ANO5: variants seen among roughly 807,000 people sequenced by gnomAD.
ANO5 encodes anoctamin 5, also known as anoctamin-5.
A neutral mutation model predicts 121.0 loss-of-function variants in ANO5; 109 were observed. The ratio of observed to expected loss-of-function variants is 0.90; its 90% CI spans 0.77 to 1.06. ANO5 has a LOEUF of 1.06. Among genes scored for constraint, ANO5 ranks in the 50% least tolerant of loss-of-function variants. The pLI, the probability that ANO5 is intolerant of heterozygous loss-of-function variation, is 0.00. For missense variants in ANO5, 1,064 were observed against 1,078.5 expected (o/e 0.99, Z 0.19); for synonymous variants, 406 against 359.9 (o/e 1.13, Z -1.45).
intron 2 of ANO5, among the ~76,000 whole-genome samples, chr11:22,206,717 T>C (rs1022899200): frequency 5.9e-5 from 9 of 152,260 alleles, no homozygotes; most frequent in African/African-American, 1.9e-4. Flanking sequence ...TTAACTTCCA[T>C]TTATTAAAAA....
chr11:22,217,285 TC>T (rs1340314975), intron 3 of ANO5, among the ~76,000 whole-genome samples: 4 of 152,024 alleles, frequency 2.6e-5, no homozygotes, highest in Non-Finnish European at 2.9e-5. Flanking sequence ...GGTTTGGTTT[TC>T]TTTCAAATAT....
intron 1 of ANO5, among the ~76,000 whole-genome samples, chr11:22,200,107 G>A (rs11026460): frequency 0.12 from 17,587 of 152,044 alleles, 1,047 homozygotes; most frequent in Admixed American, 0.18. Context: ...ATACCAAAAC[G>A]TAATGCTAAC....
intron 5 of ANO5, among the ~76,000 whole-genome samples, chr11:22,224,372 A>G (rs1199976844): frequency 6.6e-6 from 1 of 152,136 alleles, no homozygotes; most frequent in Non-Finnish European, 1.5e-5. Context: ...CTGGCATAAC[A>G]ACAGACACAC....
intron 17 of ANO5, 54 bp from the exon 18 acceptor site, chr11:22,270,258 G>A: frequency 6.2e-7 from 1 of 1,601,692 alleles, no homozygotes; most frequent in South Asian, 1.1e-5. Context: ...CTGATTCTCT[G>A]ATCGCTTTCT....
rs552220866 is a variant in ANO5 at position 22,281,833 on chromosome 11, A to C, written c.*2068A>C. The C allele has an allele frequency of 2.6e-4, 39 of 152,270 alleles. No homozygotes were observed. The highest frequency in any genetic ancestry group is 8.7e-4 in the African/African-American group (36 of 41,582). 9.4% of individuals were successfully genotyped at this position (152,270 alleles called of 1,614,324 possible). On this transcript the variant is annotated 3_prime_UTR_variant, in exon 22 of 22. Transcript: ENST00000324559. ...TGGGTTTCTGGAAGTGAATGGAGAA[A>C]ACAGCAAGGGAAGAAATCGTTTTTA... is the stretch of plus-strand genomic sequence containing the variant.
chr11:22,193,435 T>G lies in ANO5; in HGVS notation c.-58T>G. ...CCTGCCTCAGATCTCCACGTCTGTC[T>G]CAGCTGCCCCTCTCCTGCTGCCTCT... On this transcript the variant is annotated 5_prime_UTR_variant, in exon 1 of 22. Coordinates refer to ENST00000324559, the MANE Select transcript of ANO5 (RefSeq NM_213599.3). 2 of 1,579,718 alleles carry G rather than the reference T, an allele frequency of 1.3e-6. No individual in the cohort carries two copies. Among genetic ancestry groups the G allele is most frequent in the Non-Finnish European group, 1.7e-6 (2 of 1,163,618 alleles).
chr11:22,259,647 A>G lies in ANO5; in HGVS notation c.1536A>G (p.Ile512Met), dbSNP rs1377985193. 6.2e-7 allele frequency: 1 copy of G among 1,613,988 alleles called. No homozygotes were observed. Among genetic ancestry groups the G allele is most frequent in the Non-Finnish European group, 8.5e-7 (1 of 1,180,002 alleles). ...KQVKSFLTPQ[I>M]TTSLTGSCLN... ...TCAAAAGCTTCCTTACTCCTCAGAT[A>G]ACCACATCACTCACAGGATCATGCT... Residue 512 changes from isoleucine to methionine, a missense_variant, in exon 15 of 22, where the codon ATA becomes ATG. Physicochemically the swap from Ile to Met is conservative, Grantham distance 10. Transcript: ENST00000324559.
intron 3 of ANO5, among the ~76,000 whole-genome samples, chr11:22,212,238 T>C (rs1231839168): frequency 6.6e-6 from 1 of 151,590 alleles, no homozygotes; most frequent in Non-Finnish European, 1.5e-5. Flanking sequence ...GATTAGACTT[T>C]ATTAGCTTGA....
intron 2 of ANO5, among the ~76,000 whole-genome samples, chr11:22,208,241 G>A (rs1177787245): frequency 6.6e-6 from 1 of 152,042 alleles, no homozygotes; most frequent in Non-Finnish European, 1.5e-5. Context: ...GATATTCACA[G>A]CAGCTTTATT....
intron 9 of ANO5, among the ~76,000 whole-genome samples, chr11:22,242,129 A>G (rs1853452643): frequency 6.6e-6 from 1 of 150,906 alleles, no homozygotes; most frequent in African/African-American, 2.5e-5. Flanking sequence ...TCCCAGCACC[A>G]TTTATTGAAT....
intron 3 of ANO5, among the ~76,000 whole-genome samples, chr11:22,213,501 C>T (rs1157819491): frequency 2.0e-5 from 3 of 151,612 alleles, no homozygotes; most frequent in South Asian, 2.1e-4. Flanking sequence ...ATAGAAGTGT[C>T]GTTATCTTCA....
chr11:22,247,102 A>G (rs1245213754), intron 9 of ANO5, among the ~76,000 whole-genome samples: 1 of 152,160 alleles, frequency 6.6e-6, no homozygotes, highest in Non-Finnish European at 1.5e-5. Flanking sequence ...AAAAGCACCT[A>G]TCTTCATGAC....
intron 9 of ANO5, among the ~76,000 whole-genome samples, chr11:22,243,392 T>C (rs1392753315): frequency 6.6e-6 from 1 of 152,112 alleles, no homozygotes; most frequent in African/African-American, 2.4e-5. Context: ...TTGTTGTGTC[T>C]CTATCAGATT....
intron 20 of ANO5, among the ~76,000 whole-genome samples, chr11:22,275,309 GACACACACAC>G (rs56171321): frequency 6.7e-6 from 1 of 148,506 alleles, no homozygotes; most frequent in Non-Finnish European, 1.5e-5. Context: ...ACAATTTAAA[GACACACACAC>G]ACACACACAC....
intron 4 of ANO5, among the ~76,000 whole-genome samples, chr11:22,219,448 C>G (rs1852567251): frequency 6.6e-6 from 1 of 151,886 alleles, no homozygotes. Context: ...GTAAACAATA[C>G]AAGTACCTGT....
chr11:22,267,564 A>C (rs897336730), intron 17 of ANO5, among the ~76,000 whole-genome samples: 1 of 149,116 alleles, frequency 6.7e-6, no homozygotes, highest in South Asian at 2.1e-4. Flanking sequence ...GGCTATTTCA[A>C]GTTTTCCACT....
Position 22,213,336 on chromosome 11 carries a change from G to A in ANO5, c.138+2022G>A, listed in dbSNP as rs561138738. 7.2e-5 allele frequency among the ~76,000 whole-genome samples: 11 copies of A among 151,846 alleles called. No homozygotes were observed. In the South Asian group the frequency reaches 2.3e-3, roughly 32 times the overall value. ...AGTCATGTCTCCTCAGGCTCCTCTT[G>A]GTTGGGACAGTTTCATGTACTTCTT... On this transcript the variant is annotated intron_variant, in intron 3 of 21. Transcript: ENST00000324559.
At chr11:22,234,521 G>C (rs1853150105) in intron 7 of ANO5, among the ~76,000 whole-genome samples, 1 of 152,034 alleles carries the variant, frequency 6.6e-6, no homozygotes, top group South Asian at 2.1e-4. Flanking sequence ...GTCCTTCTTA[G>C]TCTCTCAAAC....
At chr11:22,271,764 G>T (rs1385278114) in intron 18 of ANO5, among the ~76,000 whole-genome samples, 1 of 152,118 alleles carries the variant, frequency 6.6e-6, no homozygotes, top group Non-Finnish European at 1.5e-5. Context: ...TCTGAAACTT[G>T]CATAGGTTAA....
Sources: gnomAD v4.1 joint callset for allele counts (sites outside exome capture counted in the v4.1 genomes callset) on GRCh38, gnomAD v4.1.1 for gene constraint, MANE v1.5 for transcripts, NCBI Gene and HGNC (gene_info 2026-07-23, HGNC 2026-07-21) for gene names.